The following AGBL4 variants were observed in gnomAD, a reference collection of about 807,000 sequenced individuals.
The protein encoded by AGBL4 is AGBL carboxypeptidase 4.
AGBL4 carries 58 observed loss-of-function variants against 66.4 expected under a neutral mutation model. The observed-to-expected ratio is 0.87, with a 90% CI of 0.71 to 1.09. The LOEUF (loss-of-function observed/expected upper bound fraction) is 1.09. AGBL4 is among the 50% of genes least tolerant of loss of function. The pLI, the probability that AGBL4 is intolerant of heterozygous loss-of-function variation, is 0.00. For synonymous variants in AGBL4, 234 were observed against 222.9 expected (o/e 1.05, Z -0.44); for missense variants, 579 against 631.0 (o/e 0.92, Z 0.88).
intron 4 of AGBL4, among the ~76,000 whole-genome samples, chr1:49,148,039 CT>C (rs1382967506): frequency 1.3e-5 from 2 of 152,184 alleles, no homozygotes; most frequent in Non-Finnish European, 2.9e-5. Flanking sequence ...ATGGGCTTGG[CT>C]TTGCAACTTA....
chr1:49,798,880 T>A, intron 2 of AGBL4, among the ~76,000 whole-genome samples: 1 of 152,304 alleles, frequency 6.6e-6, no homozygotes, highest in East Asian at 1.9e-4. Context: ...GCCAGCATAG[T>A]TAAGTGTTTG....
At chr1:49,096,424 G>T (rs908651151) in intron 4 of AGBL4, among the ~76,000 whole-genome samples, 23 of 150,598 alleles carry the variant, frequency 1.5e-4, no homozygotes, top group Admixed American at 7.3e-4. Context: ...CAACAGCAAA[G>T]ACTTGGAACC....
At chr1:48,881,131 T>C (rs1375656156) in intron 5 of AGBL4, among the ~76,000 whole-genome samples, 1 of 152,188 alleles carries the variant, frequency 6.6e-6, no homozygotes, top group African/African-American at 2.4e-5. Context: ...AGTGTGTACC[T>C]TTTTATTACT....
chr1:49,300,031 T>C (rs1644714962), intron 3 of AGBL4, among the ~76,000 whole-genome samples: 2 of 152,188 alleles, frequency 1.3e-5, no homozygotes, highest in African/African-American at 2.4e-5. Context: ...TTGTTAATAG[T>C]TTGTTTCTAT....
intron 3 of AGBL4, among the ~76,000 whole-genome samples, chr1:49,307,586 T>C (rs1323418909): frequency 6.6e-6 from 1 of 152,194 alleles, no homozygotes; most frequent in Non-Finnish European, 1.5e-5. Flanking sequence ...CATATTTATG[T>C]ACTGAATATT....
chr1:49,740,229 A>G (rs1650316549), intron 2 of AGBL4, among the ~76,000 whole-genome samples: 1 of 152,180 alleles, frequency 6.6e-6, no homozygotes, highest in African/African-American at 2.4e-5. Flanking sequence ...TGGAAAACAA[A>G]AAAAGGCAGG....
intron 3 of AGBL4, among the ~76,000 whole-genome samples, chr1:49,530,280 A>AAAAAAAAAAAAAAAAAC (rs1165391996): frequency 6.8e-6 from 1 of 148,000 alleles, no homozygotes; most frequent in South Asian, 2.1e-4. Context: ...AAACAAAAAA[A>AAAAAAAAAAAAAAAAAC]AACTCTATGA....
intron 4 of AGBL4, among the ~76,000 whole-genome samples, chr1:49,220,614 A>C (rs1375703466): frequency 2.0e-5 from 3 of 152,100 alleles, no homozygotes; most frequent in African/African-American, 7.2e-5. Context: ...TTCTCAGAAG[A>C]GAGTCAACTA....
intron 3 of AGBL4, among the ~76,000 whole-genome samples, chr1:49,427,324 A>G (rs915266319): frequency 6.6e-6 from 1 of 152,156 alleles, no homozygotes; most frequent in South Asian, 2.1e-4. Context: ...GTTCTACAGA[A>G]TATAGGGAGA....
At chr1:49,288,452 A>C (rs1557808635) in intron 3 of AGBL4, among the ~76,000 whole-genome samples, 1 of 152,136 alleles carries the variant, frequency 6.6e-6, no homozygotes, top group African/African-American at 2.4e-5. Flanking sequence ...GGTGAATCTA[A>C]GCTTGGCAAA....
chr1:49,832,902 C>T (rs1298796018), intron 2 of AGBL4, among the ~76,000 whole-genome samples: 7 of 152,046 alleles, frequency 4.6e-5, no homozygotes, highest in Non-Finnish European at 8.8e-5. Context: ...AGCCCTTTGT[C>T]AGATGAGTAG....
chr1:49,720,800 T>A (rs1399259689), intron 2 of AGBL4, among the ~76,000 whole-genome samples: 1 of 152,100 alleles, frequency 6.6e-6, no homozygotes, highest in East Asian at 1.9e-4. Context: ...GTAAAAAGTG[T>A]TATAGGGACA....
chr1:49,170,926 C>T (rs2148163126), intron 4 of AGBL4, among the ~76,000 whole-genome samples: 1 of 152,186 alleles, frequency 6.6e-6, no homozygotes, highest in East Asian at 1.9e-4. Flanking sequence ...ATAACAGAAG[C>T]ATTCTAATAG....
At chr1:48,605,479 C>T (rs1645140841) in intron 9 of AGBL4, among the ~76,000 whole-genome samples, 1 of 152,180 alleles carries the variant, frequency 6.6e-6, no homozygotes, top group African/African-American at 2.4e-5. Context: ...CCAATATAAG[C>T]ATCCCTTCCT....
At chr1:49,548,012 T>C (rs1652640646) in intron 3 of AGBL4, among the ~76,000 whole-genome samples, 1 of 152,122 alleles carries the variant, frequency 6.6e-6, no homozygotes, top group South Asian at 2.1e-4. Context: ...GACCTTGTGA[T>C]CCGCCTGCCT....
At chr1:48,796,545 G>T (rs1570694471) in intron 6 of AGBL4, among the ~76,000 whole-genome samples, 1 of 152,294 alleles carries the variant, frequency 6.6e-6, no homozygotes, top group Middle Eastern at 3.4e-3. Context: ...AGGTTGTGGG[G>T]ATCCAGAGTA....
chr1:49,919,577 G>C (rs909650202), intron 1 of AGBL4, among the ~76,000 whole-genome samples: 11 of 151,960 alleles, frequency 7.2e-5, no homozygotes, highest in Non-Finnish European at 1.5e-4. Context: ...CACTGGTCAA[G>C]GAAATAAAAG....
intron 3 of AGBL4, among the ~76,000 whole-genome samples, chr1:49,529,116 G>A (rs1650896517): frequency 6.6e-6 from 1 of 152,080 alleles, no homozygotes; most frequent in Non-Finnish European, 1.5e-5. Context: ...GTAATCAGGA[G>A]AGAGAACCAT....
chr1:49,936,997 T>C (rs1366871241), intron 1 of AGBL4, among the ~76,000 whole-genome samples: 9 of 152,166 alleles, frequency 5.9e-5, no homozygotes, highest in South Asian at 2.1e-4. Flanking sequence ...CAATATTAAC[T>C]TTAAATGTAA....
Sources: gnomAD v4.1 joint callset for allele counts (sites outside exome capture counted in the v4.1 genomes callset) on GRCh38, gnomAD v4.1.1 for gene constraint, MANE v1.5 for transcripts, NCBI Gene and HGNC (gene_info 2026-07-23, HGNC 2026-07-21) for gene names.